The following TTC28 variants were observed in gnomAD, a reference collection of about 807,000 sequenced individuals.
TTC28 encodes tetratricopeptide repeat protein 28.
TTC28 carries 61 observed loss-of-function variants against 198.0 expected under a neutral mutation model. The observed-to-expected ratio is 0.31, with a 90% CI of 0.25 to 0.38. The LOEUF is 0.38. Ranked by LOEUF, TTC28 falls within the 10% of genes least tolerant of loss-of-function variation. The pLI is 1.00. For missense variants in TTC28, 2,678 were observed against 3,164.0 expected, an observed-to-expected ratio of 0.85 and a Z score of 3.69; for synonymous variants, 1,171 against 1,297.8, an observed-to-expected ratio of 0.90 and a Z score of 2.10.
intron 5 of TTC28, among the ~76,000 whole-genome samples, chr22:28,229,391 A>T (rs1027491893): frequency 6.6e-6 from 1 of 152,198 alleles, no homozygotes. Context: ...AACTTTCAAC[A>T]GCTATCATAA....
intron 2 of TTC28, among the ~76,000 whole-genome samples, chr22:28,348,598 G>A (rs134503): frequency 0.96 from 146,497 of 152,298 alleles, 70,523 homozygotes; most frequent in East Asian, 0.99. Flanking sequence ...CTTCAAAACA[G>A]GACAGACCCA....
intron 5 of TTC28, among the ~76,000 whole-genome samples, chr22:28,278,340 T>A (rs2044512576): frequency 6.6e-6 from 1 of 152,192 alleles, no homozygotes. Context: ...TCATCCACTA[T>A]CAACGGTAAT....
At chr22:28,448,845 A>T (rs1192966466) in intron 2 of TTC28, among the ~76,000 whole-genome samples, 1 of 152,108 alleles carries the variant, frequency 6.6e-6, no homozygotes, top group Non-Finnish European at 1.5e-5. Context: ...ACTTCCTTCC[A>T]CTATCAGGCA....
At chr22:28,223,647 G>C (rs1928056140) in intron 5 of TTC28, among the ~76,000 whole-genome samples, 1 of 152,190 alleles carries the variant, frequency 6.6e-6, no homozygotes, top group Non-Finnish European at 1.5e-5. Flanking sequence ...TTCAGTAACA[G>C]AAGGTATTTT....
At chr22:28,276,896 TA>T (rs2044483622) in intron 5 of TTC28, among the ~76,000 whole-genome samples, 1 of 152,172 alleles carries the variant, frequency 6.6e-6, no homozygotes, top group Non-Finnish European at 1.5e-5. Flanking sequence ...CTTATTAAAA[TA>T]CTTAATAAAA....
intron 6 of TTC28, among the ~76,000 whole-genome samples, chr22:28,162,039 CA>C (rs1259668139): frequency 6.6e-6 from 1 of 152,174 alleles, no homozygotes; most frequent in African/African-American, 2.4e-5. Flanking sequence ...AGGCAAAGAA[CA>C]AACCATGTGG....
chr22:28,527,574 T>C (rs1048361328), intron 2 of TTC28, among the ~76,000 whole-genome samples: 1 of 152,224 alleles, frequency 6.6e-6, no homozygotes, highest in African/African-American at 2.4e-5. Flanking sequence ...TCCTGGGTAC[T>C]CTCCCTAAGC....
At chr22:28,163,020 G>A (rs1445675200) in intron 6 of TTC28, 72 bp downstream of exon 6, 4 of 1,424,074 alleles carry the variant, frequency 2.8e-6, no homozygotes, top group Admixed American at 5.4e-5. Flanking sequence ...TCCTATAAAA[G>A]ATAGTGATCT....
Position 28,646,574 on chromosome 22 carries a change from TC to T in TTC28, c.103-16745del, listed in dbSNP as rs1235633689. Among the ~76,000 whole-genome samples, 12 of 152,274 alleles carry T rather than the reference TC, an allele frequency of 7.9e-5. 1 individual carries two copies. The highest frequency in any genetic ancestry group is 2.9e-4 in the African/African-American group (12 of 41,566). ...TAGCAACCCTAATATTCTTATGAAA[TC>T]GACAGAGGGCCAGGTGTGGTGGCTC... On this transcript the variant is annotated intron_variant, in intron 1 of 22. Coordinates refer to ENST00000397906, the MANE Select transcript of TTC28 (RefSeq NM_001145418.2).
At chr22:28,257,551 A>C (rs1345727804) in intron 5 of TTC28, among the ~76,000 whole-genome samples, 1 of 151,878 alleles carries the variant, frequency 6.6e-6, no homozygotes, top group Admixed American at 6.6e-5. Context: ...ATTAATAAAA[A>C]AGCAAATCCC....
intron 12 of TTC28, among the ~76,000 whole-genome samples, chr22:28,064,339 A>G (rs1199838657): frequency 6.6e-6 from 1 of 152,098 alleles, no homozygotes; most frequent in Non-Finnish European, 1.5e-5. Flanking sequence ...TCAGGTTTGG[A>G]TGAAGTCTCC....
At chr22:27,998,512 A>G in intron 16 of TTC28, 28 bp downstream of exon 16, 1 of 1,533,674 alleles carries the variant, frequency 6.5e-7, no homozygotes, top group Non-Finnish European at 8.8e-7. Flanking sequence ...AGGCCTTGAC[A>G]GGCACCCGCA....
intron 5 of TTC28, among the ~76,000 whole-genome samples, chr22:28,235,733 G>C (rs995968997): frequency 6.6e-6 from 1 of 152,084 alleles, no homozygotes; most frequent in African/African-American, 2.4e-5. Context: ...ATAGTCTTTG[G>C]GAAAAGATAA....
At chr22:28,439,209 T>C (rs892825671) in intron 2 of TTC28, among the ~76,000 whole-genome samples, 3 of 152,196 alleles carry the variant, frequency 2.0e-5, no homozygotes, top group African/African-American at 7.2e-5. Flanking sequence ...AGGCAAGATA[T>C]ATACACAAAT....
rs1927937692 is a variant in TTC28 at position 28,222,306 on chromosome 22, T to C, written c.934-58707A>G. Among the ~76,000 whole-genome samples, 3 of 152,202 alleles carry C rather than the reference T, an allele frequency of 2.0e-5. 1 individual carries two copies. The South Asian group carries it at 6.2e-4, about 32-fold the overall frequency. ...GGTAAAGCAGAACACAACACCCACA[T>C]GTTTTCAAAAGAGGGAAAATCCCAA... On this transcript the variant is annotated intron_variant, in intron 5 of 22. Coordinates refer to ENST00000397906, the MANE Select transcript of TTC28 (RefSeq NM_001145418.2).
At chr22:28,039,713 C>T (rs1939532685) in intron 12 of TTC28, among the ~76,000 whole-genome samples, 1 of 151,958 alleles carries the variant, frequency 6.6e-6, no homozygotes, top group African/African-American at 2.4e-5. Flanking sequence ...CAAAAGCTAG[C>T]AGAAGGCAAG....
At chr22:28,317,541 G>A (rs188033070) in intron 2 of TTC28, among the ~76,000 whole-genome samples, 1 of 152,254 alleles carries the variant, frequency 6.6e-6, no homozygotes, top group East Asian at 1.9e-4. Context: ...ATGCGCCACT[G>A]AGTGTTCTGA....
intron 2 of TTC28, among the ~76,000 whole-genome samples, chr22:28,449,077 T>C (rs1351981502): frequency 6.6e-6 from 1 of 152,214 alleles, no homozygotes; most frequent in Non-Finnish European, 1.5e-5. Context: ...TCTTGCTATT[T>C]ATCTGACTCT....
intron 5 of TTC28, among the ~76,000 whole-genome samples, chr22:28,278,877 G>A (rs991726831): frequency 3.9e-5 from 6 of 152,102 alleles, no homozygotes; most frequent in Admixed American, 1.3e-4. Flanking sequence ...TTGTGATATC[G>A]TTCTAGGATA....
Sources: allele counts gnomAD v4.1 joint callset (sites outside exome capture counted in the v4.1 genomes callset), GRCh38; gene constraint gnomAD v4.1.1; transcripts MANE v1.5; gene names NCBI Gene and HGNC (gene_info 2026-07-23, HGNC 2026-07-21).